The following WDR72 variants were observed in gnomAD, a reference collection of about 807,000 sequenced individuals.
WDR72 encodes the protein WD repeat domain 72, also known as WD repeat-containing protein 72.
In WDR72, 120 loss-of-function variants were observed where a neutral mutation model predicts 124.2. That is an observed-to-expected ratio of 0.97 (90% confidence interval 0.83 to 1.12). The LOEUF (loss-of-function observed/expected upper bound fraction) is 1.12, where lower values mean the gene tolerates loss of function less well. Among genes scored for constraint, WDR72 ranks in the 50% most tolerant of loss-of-function variants. The pLI, the probability that WDR72 is intolerant of heterozygous loss-of-function variation, is 0.00. For synonymous variants in WDR72, 452 were observed against 441.7 expected, an observed-to-expected ratio of 1.02 and a Z score of -0.29; for missense variants, 1,387 against 1,278.8, an observed-to-expected ratio of 1.08 and a Z score of -1.29.
At chr15:53,579,615 A>G (rs566591996) in intron 18 of WDR72, among the ~76,000 whole-genome samples, 1 of 152,066 alleles carries the variant, frequency 6.6e-6, no homozygotes, top group Non-Finnish European at 1.5e-5. Flanking sequence ...GTGAAATACT[A>G]TCTCACCCCT....
intron 13 of WDR72, among the ~76,000 whole-genome samples, chr15:53,691,226 T>A (rs1451501444): frequency 6.6e-6 from 1 of 152,112 alleles, no homozygotes; most frequent in African/African-American, 2.4e-5. Context: ...ATTTTTTAAA[T>A]TTTTTATAGA....
chr15:53,680,876 G>C (rs565042567), intron 13 of WDR72, among the ~76,000 whole-genome samples: 2 of 152,304 alleles, frequency 1.3e-5, no homozygotes, highest in East Asian at 1.9e-4. Context: ...TGGGGAAAGT[G>C]GTGGGCCAAT....
At chr15:53,591,685 AACACACACACACACACACACACACAC>A (rs67873847) in intron 18 of WDR72, among the ~76,000 whole-genome samples, 2,117 of 149,020 alleles carry the variant, frequency 0.014, 53 homozygotes, top group African/African-American at 0.049. Flanking sequence ...CAACACACAC[AACACACACACACACACACACACACAC>A]ACACACACAC....
At chr15:53,751,691 C>T (rs1449376566) in intron 1 of WDR72, among the ~76,000 whole-genome samples, 1 of 151,998 alleles carries the variant, frequency 6.6e-6, no homozygotes, top group Non-Finnish European at 1.5e-5. Flanking sequence ...GTTTTGTGAC[C>T]CAATGAGCTT....
intron 14 of WDR72, among the ~76,000 whole-genome samples, chr15:53,639,480 T>TATATAATTTTATTTATTTATAAAATTA (rs1466161769): frequency 3.2e-4 from 23 of 70,966 alleles, no homozygotes; most frequent in East Asian, 1.9e-3. Context: ...AAATAAAATT[T>TATATAATTTTATTTATTTATAAAATTA]TATATAATTT....
rs71297666 is a variant in WDR72 at position 53,650,893 on chromosome 15, GTTTTTTTTTT to G, written c.1962+14669_1962+14678del. Among the ~76,000 whole-genome samples the G allele has an allele frequency of 7.1e-4, 76 of 106,782 alleles. 2 individuals are homozygous for G. Among genetic ancestry groups the G allele is most frequent in the Non-Finnish European group, 1.1e-4 (6 of 55,860 alleles). The allele number at this position is 106,782 out of a possible 152,430, so 70.1% of individuals were successfully genotyped here. On this transcript the variant is annotated intron_variant, in intron 14 of 19. Transcript: ENST00000360509. ...CAGACACACTCTCTCCTCTAATTCA[GTTTTTTTTTT>G]TTTTTTTTTTTTTACATAGCAAACA...
At chr15:53,735,669 G>A (rs929634136) in intron 1 of WDR72, among the ~76,000 whole-genome samples, 2 of 152,078 alleles carry the variant, frequency 1.3e-5, no homozygotes, top group African/African-American at 4.8e-5. Flanking sequence ...CGAGATTTCT[G>A]TAAAACAATT....
intron 13 of WDR72, among the ~76,000 whole-genome samples, chr15:53,666,109 C>T (rs568646451): frequency 6.6e-6 from 1 of 152,112 alleles, no homozygotes; most frequent in Non-Finnish European, 1.5e-5. Flanking sequence ...AGTGCTGTCC[C>T]CTAGTGTTCC....
chr15:53,702,026 T>C, intron 12 of WDR72, 108 bp downstream of exon 12: 1 of 753,964 alleles, frequency 1.3e-6, no homozygotes, highest in Non-Finnish European at 2.1e-6. Flanking sequence ...ATAGAACTCA[T>C]GTTTTTCTTT....
At position 53,616,141 on chromosome 15, in the gene WDR72, G is replaced by A. The variant is rs764899685; in HGVS notation, c.2065C>T (p.Leu689Phe). 6.2e-7 allele frequency: 1 copy of A among 1,604,984 alleles called. No homozygotes were observed. The highest frequency in any genetic ancestry group is 8.5e-7 in the Non-Finnish European group (1 of 1,175,094). Residue 689 changes from leucine (L) to phenylalanine (F), a missense_variant, in exon 15 of 20, where the codon CTT becomes TTT. By Grantham distance (22) the Leu-to-Phe change is conservative. Transcript: ENST00000360509. ...FHILLFDLEN[L>F]VELLLPTPLS... ...GGAGTTGGTAGCAAAAGTTCAACAAGGTTTTCCAGATCAAATAGAAGAATA... is the reference window on the plus strand; with the variant it reads ...GGAGTTGGTAGCAAAAGTTCAACAAAGTTTTCCAGATCAAATAGAAGAATA...
chr15:53,707,280 G>T lies in WDR72; in HGVS notation c.955-1206C>A, dbSNP rs2017407545. On this transcript the variant is annotated intron_variant, in intron 9 of 19. Transcript: ENST00000360509. ...TGCTACATTTAATCTTCACAACAAA[G>T]CTATGTAGTAAGTAAACATTGCTAT... Among the ~76,000 whole-genome samples, 3 of 152,110 alleles carry T rather than the reference G, an allele frequency of 2.0e-5. No individual in the cohort carries two copies. In the South Asian group the frequency reaches 6.2e-4, roughly 32 times the overall value.
chr15:53,671,730 C>T (rs2015995391), intron 13 of WDR72, among the ~76,000 whole-genome samples: 2 of 152,138 alleles, frequency 1.3e-5, no homozygotes, highest in Admixed American at 1.3e-4. Flanking sequence ...AGCAATGTTG[C>T]CAGGTCACTC....
intron 7 of WDR72, among the ~76,000 whole-genome samples, 162 bp from the exon 8 acceptor site, chr15:53,711,643 T>G (rs1021324147): frequency 3.9e-5 from 6 of 152,184 alleles, no homozygotes; most frequent in African/African-American, 1.4e-4. Context: ...ACTTATTGAC[T>G]TATATTTATC....
intron 1 of WDR72, among the ~76,000 whole-genome samples, chr15:53,749,948 G>A (rs941313061): frequency 6.6e-6 from 1 of 152,194 alleles, no homozygotes; most frequent in Non-Finnish European, 1.5e-5. Flanking sequence ...GAGTTCATGA[G>A]ATTGAAGGAA....
chr15:53,620,287 C>T (rs2013937791), intron 14 of WDR72, among the ~76,000 whole-genome samples: 1 of 151,764 alleles, frequency 6.6e-6, no homozygotes, highest in African/African-American at 2.4e-5. Context: ...GACATACATA[C>T]ATATGCCAAA....
chr15:53,526,633 G>T (rs570475211), intron 18 of WDR72, among the ~76,000 whole-genome samples: 2 of 152,066 alleles, frequency 1.3e-5, no homozygotes, highest in South Asian at 4.2e-4. Flanking sequence ...ACAGTAAGTT[G>T]TCCTTTTACT....
At chr15:53,587,885 T>C (rs1196354536) in intron 18 of WDR72, among the ~76,000 whole-genome samples, 1 of 152,008 alleles carries the variant, frequency 6.6e-6, no homozygotes. Flanking sequence ...AACTAACAAC[T>C]CTCCTTTGAA....
chr15:53,592,151 G>C (rs926781734), intron 18 of WDR72, among the ~76,000 whole-genome samples: 2 of 151,968 alleles, frequency 1.3e-5, no homozygotes, highest in African/African-American at 4.8e-5. Context: ...CACCACACTA[G>C]AGAGAAAGCC....
chr15:53,755,045 G>A (rs989618248), intron 1 of WDR72, among the ~76,000 whole-genome samples: 49 of 152,184 alleles, frequency 3.2e-4, no homozygotes, highest in Non-Finnish European at 6.6e-4. Flanking sequence ...AAAAGAGGCA[G>A]TGAAAATAGG....
Sources: allele counts gnomAD v4.1 joint callset (sites outside exome capture counted in the v4.1 genomes callset), GRCh38; gene constraint gnomAD v4.1.1; transcripts MANE v1.5; gene names NCBI Gene and HGNC (gene_info 2026-07-23, HGNC 2026-07-21).